DCBLD1: variants seen among roughly 807,000 people sequenced by gnomAD.
DCBLD1 encodes discoidin, CUB and LCCL domain-containing protein 1.
DCBLD1 carries 57 observed loss-of-function variants against 71.5 expected under a neutral mutation model. That is an observed-to-expected ratio of 0.80 (90% CI 0.64 to 0.99). The LOEUF (loss-of-function observed/expected upper bound fraction) is 0.99. Ranked by LOEUF, DCBLD1 falls within the 50% of genes least tolerant of loss-of-function variation. The probability of loss-of-function intolerance (pLI) is 0.00; values close to 1 mark genes in which losing one functional copy is unlikely to be tolerated. For synonymous variants in DCBLD1, 380 were observed against 363.8 expected, an observed-to-expected ratio of 1.04 and a Z score of -0.51; for missense variants, 891 against 923.5, an observed-to-expected ratio of 0.96 and a Z score of 0.46.
At chr6:117,504,872 T>C (rs547752059) in intron 2 of DCBLD1, among the ~76,000 whole-genome samples, 20 of 152,304 alleles carry the variant, frequency 1.3e-4, no homozygotes, top group African/African-American at 3.6e-4. Flanking sequence ...TAAAATGATA[T>C]AGGTTTTAGG....
At position 117,503,895 on chromosome 6, in the gene DCBLD1, A is replaced by G. The variant is rs1223505848; in HGVS notation, c.241A>G (p.Ile81Val). 2 of 1,614,134 alleles carry G rather than the reference A, an allele frequency of 1.2e-6. No individual in the cohort carries two copies. Among genetic ancestry groups the G allele is most frequent in the East Asian group, 4.5e-5 (2 of 44,866 alleles). ...TITVPKGKRL[I>V]LRLGDLDIES... ...TACAGTACCAAAGGGGAAAAGACTGATTCTGAGGTTGGGAGATTTGGATAT... is the reference window on the plus strand; with the variant it reads ...TACAGTACCAAAGGGGAAAAGACTGGTTCTGAGGTTGGGAGATTTGGATAT... Residue 81 changes from isoleucine (I) to valine (V), a missense_variant, in exon 2 of 15, where the codon ATT (isoleucine) becomes GTT (valine). Transcript: ENST00000338728.
intron 1 of DCBLD1, among the ~76,000 whole-genome samples, chr6:117,500,832 C>T (rs1777631871): frequency 6.6e-6 from 1 of 152,144 alleles, no homozygotes; most frequent in East Asian, 1.9e-4. Context: ...CACTGCACTC[C>T]AGCCTGGGCG....
chr6:117,505,854 A>C (rs1457940628), intron 2 of DCBLD1, among the ~76,000 whole-genome samples: 1 of 152,178 alleles, frequency 6.6e-6, no homozygotes, highest in Non-Finnish European at 1.5e-5. Context: ...TACGTATCTC[A>C]AGCTAGCTTG....
rs145676915 is a variant in DCBLD1, at chr6:117,511,392, G to A, written c.325+7413G>A. 1.6e-4 allele frequency among the ~76,000 whole-genome samples: 25 copies of A among 152,332 alleles called. No individual in the cohort carries two copies. In the East Asian group the frequency reaches 4.8e-3, roughly 29 times the overall value. On this transcript the variant is annotated intron_variant, in intron 2 of 14. Transcript: ENST00000338728. ...TCTTTACTATAGGATCCTAATGGAA[G>A]TTAAATTGGTTGTGTTCTGCATAAT... is the stretch of plus-strand genomic sequence containing the variant.
At position 117,540,725 on chromosome 6, in the gene DCBLD1, A is replaced by T. The variant is rs138996885; in HGVS notation, c.1159A>T (p.Ile387Phe). ...DPVQNNFIPP[I>F]VARYVRVVPQ... ...AGTGCAAAACAATTTCATCCCTCCC[A>T]TCGTGGCCAGATATGTGCGGGTTGT... The change falls in exon 10 of 15, where the codon ATC (isoleucine) becomes TTC (phenylalanine). Residue 387 changes from isoleucine (I) to phenylalanine (F), a missense_variant. Ile to Phe is a conservative substitution (Grantham distance 21). Transcript: ENST00000338728. 6.2e-7 allele frequency: 1 copy of T among 1,614,196 alleles called. No individual in the cohort carries two copies. Among genetic ancestry groups the T allele is most frequent in the East Asian group, 2.2e-5 (1 of 44,882 alleles).
Position 117,537,216 on chromosome 6 carries a change from A to T in DCBLD1, c.751A>T (p.Thr251Ser). The change falls in exon 7 of 15, where the codon ACC becomes TCC. Residue 251 changes from threonine to serine, a missense_variant. Transcript: ENST00000338728. The part of the protein sequence containing the change: ...GSLSDKRFLF[T>S]SNGCSRSLSF... ...CCTGTCAGACAAGCGATTTCTGTTT[A>T]CCTCCAATGGTAAGGATCATGCTTT... is the stretch of plus-strand genomic sequence containing the variant. 1 of 1,613,762 alleles carries T rather than the reference A, an allele frequency of 6.2e-7. No individual in the cohort carries two copies. Among genetic ancestry groups the T allele is most frequent in the Non-Finnish European group, 8.5e-7 (1 of 1,179,882 alleles).
chr6:117,550,375 T>A (rs1446045351), downstream of DCBLD1, among the ~76,000 whole-genome samples: 1 of 152,146 alleles, frequency 6.6e-6, no homozygotes, highest in Non-Finnish European at 1.5e-5. Context: ...AAATTTTACA[T>A]CTTTCTTTTT....
intron 8 of DCBLD1, 71 bp downstream of exon 8, chr6:117,538,906 AC>A: frequency 1.4e-6 from 2 of 1,470,816 alleles, no homozygotes; most frequent in Non-Finnish European, 1.9e-6. Context: ...AGTTGAAAAT[AC>A]GCTTATTGTT....
intron 1 of DCBLD1, chr6:117,485,105 A>G (rs1164393379): frequency 6.6e-6 from 1 of 152,234 alleles, no homozygotes; most frequent in African/African-American, 2.4e-5. Flanking sequence ...TAAGTTGATC[A>G]TTAGTTTTTA....
intron 2 of DCBLD1, among the ~76,000 whole-genome samples, chr6:117,514,532 G>C (rs796081594): frequency 5.3e-5 from 8 of 151,586 alleles, no homozygotes; most frequent in African/African-American, 1.9e-4. Flanking sequence ...TTTGAGCCCA[G>C]GAGGAGCCGT....
chr6:117,544,637 G>A, intron 13 of DCBLD1, 60 bp downstream of exon 13: 1 of 1,593,738 alleles, frequency 6.3e-7, no homozygotes, highest in South Asian at 1.1e-5. Context: ...AGGATCTGCT[G>A]ATTGAAAGCA....
rs147175374 is a variant in DCBLD1 at position 117,560,537 on chromosome 6, A to G, written c.1616-9083A>G. The G allele has an allele frequency of 3.0e-3, 577 of 194,752 alleles. 4 individuals carry two copies. Among genetic ancestry groups the G allele is most frequent in the African/African-American group, 0.012 (513 of 43,254 alleles). The allele number at this position is 194,752 out of a possible 1,614,324, so 12.1% of individuals were successfully genotyped here. On this transcript the variant is annotated intron_variant, in intron 14 of 14. Transcript: ENST00000296955. ...TTTTGTTTCTAAACATGAAAACAGC[A>G]TAAGTCCACTGCAGTGGGGAAAAAA...
chr6:117,483,044 T>A, intron 1 of DCBLD1, 151 bp downstream of exon 1: 1 of 876,582 alleles, frequency 1.1e-6, no homozygotes, highest in Non-Finnish European at 1.4e-6. Context: ...CCGCCTGCCA[T>A]CCGCGGAGTC....
At position 117,548,574 on chromosome 6, in the gene DCBLD1, G is replaced by C. The variant is rs904674644; in HGVS notation, c.*135G>C. ...CACTTGCATGTGTGTGTGTGATCCA[G>C]TAGGATCCTAGAGACAACCTGTCAT... On this transcript the variant is annotated 3_prime_UTR_variant, in exon 15 of 15. Transcript: ENST00000338728. The C allele has an allele frequency of 1.1e-5, 16 of 1,462,906 alleles. No individual in the cohort carries two copies. Among genetic ancestry groups the C allele is most frequent in the African/African-American group, 1.4e-5 (1 of 70,648 alleles). The allele number at this position is 1,462,906 out of a possible 1,614,324, so 90.6% of individuals were successfully genotyped here. A position where few individuals can be genotyped will look rare whatever the true frequency, so the allele number is the denominator to read the frequency against.
chr6:117,505,354 C>G (rs1411617237), intron 2 of DCBLD1, among the ~76,000 whole-genome samples: 1 of 152,096 alleles, frequency 6.6e-6, no homozygotes, highest in Non-Finnish European at 1.5e-5. Flanking sequence ...AGATTTCTCT[C>G]AGATTCTGAG....
chr6:117,557,577 A>G (rs541073502), intron 14 of DCBLD1, among the ~76,000 whole-genome samples: 2 of 152,268 alleles, frequency 1.3e-5, no homozygotes, highest in East Asian at 3.9e-4. Context: ...CAGCCTGGCC[A>G]ACATGGTGAA....
chr6:117,546,777 C>T (rs542208813), intron 14 of DCBLD1, among the ~76,000 whole-genome samples: 1 of 152,274 alleles, frequency 6.6e-6, no homozygotes, highest in East Asian at 1.9e-4. Context: ...GTCCATGCTG[C>T]TTCTCACACC....
At chr6:117,554,879 G>A (rs980088210) in intron 14 of DCBLD1, among the ~76,000 whole-genome samples, 3 of 136,516 alleles carry the variant, frequency 2.2e-5, no homozygotes, top group Non-Finnish European at 3.1e-5. Context: ...GCAACAGAGC[G>A]AGACTCAGTT....
chr6:117,514,051 G>A (rs975955727), intron 2 of DCBLD1, among the ~76,000 whole-genome samples: 7 of 152,122 alleles, frequency 4.6e-5, no homozygotes, highest in Admixed American at 6.5e-5. Flanking sequence ...GGGTCTTTCC[G>A]TGGTTTCCCA....
Sources: gnomAD v4.1 joint callset for allele counts (sites outside exome capture counted in the v4.1 genomes callset) on GRCh38, gnomAD v4.1.1 for gene constraint, MANE v1.5 for transcripts, NCBI Gene and HGNC (gene_info 2026-07-23, HGNC 2026-07-21) for gene names.